GNAL: variants seen among roughly 807,000 people sequenced by gnomAD.
GNAL encodes the protein guanine nucleotide-binding protein G(olf) subunit alpha.
GNAL carries 18 observed loss-of-function variants against 55.1 expected under a neutral mutation model. The ratio of observed to expected loss-of-function variants is 0.33; its 90% CI spans 0.23 to 0.48. The LOEUF is 0.48. Ranked by LOEUF, GNAL falls within the 20% of genes least tolerant of loss-of-function variation. GNAL has a pLI of 0.99. For missense variants in GNAL, 412 were observed against 614.1 expected (o/e 0.67, Z 3.48); for synonymous variants, 253 against 237.0 (o/e 1.07, Z -0.62).
intron 5 of GNAL, among the ~76,000 whole-genome samples, chr18:11,860,688 G>T (rs1036393622): frequency 2.0e-5 from 3 of 152,184 alleles, no homozygotes; most frequent in Non-Finnish European, 4.4e-5. Flanking sequence ...GTTTCTAGGG[G>T]CAGTCATTGT....
In GNAL at chr18:11,823,542, A is replaced by G. The variant is rs369405602; in HGVS notation, c.625-1376A>G. Among the ~76,000 whole-genome samples the G allele has an allele frequency of 1.3e-4, 20 of 152,300 alleles. 1 individual carries two copies. The East Asian group carries it at 3.3e-3, about 25-fold the overall frequency. On this transcript the variant is annotated intron_variant, in intron 4 of 11. Coordinates refer to ENST00000334049, the MANE Select transcript of GNAL (RefSeq NM_182978.4). ...ATTTATACCTAATTTTGTATTCATC[A>G]TTTAGCCTCTGTTTTTTCAAAGAGA...
At chr18:11,822,820 C>CTTTTTTTTTT (rs56128456) in intron 4 of GNAL, among the ~76,000 whole-genome samples, 3 of 139,770 alleles carry the variant, frequency 2.1e-5, no homozygotes, top group East Asian at 2.2e-4. Flanking sequence ...TTTTTTTTTT[C>CTTTTTTTTTT]TTTTTTTTTT....
intron 1 of GNAL, among the ~76,000 whole-genome samples, chr18:11,740,313 A>G (rs530870651): frequency 1.3e-5 from 2 of 152,162 alleles, no homozygotes; most frequent in Admixed American, 6.5e-5. Context: ...GGTTTAGCTC[A>G]TAGCTACCCT....
rs188070828 is a variant in GNAL, at chr18:11,882,634, C to T, written c.*1499C>T. The T allele has an allele frequency of 3.5e-4, 48 of 135,392 alleles. No homozygotes were observed. Among genetic ancestry groups the T allele is most frequent in the Admixed American group, 3.4e-3 (39 of 11,306 alleles). The allele number at this position is 135,392 out of a possible 1,614,324, so 8.4% of individuals were successfully genotyped here. On this transcript the variant is annotated 3_prime_UTR_variant, in exon 12 of 12. Transcript: ENST00000334049. ...CTGGGAGGTGGAGATTGCAGTGAGC[C>T]GAGGTCGTGCCATCGCACTCCAGCC...
intron 5 of GNAL, chr18:11,851,583 A>G: frequency 6.2e-7 from 1 of 1,613,126 alleles, no homozygotes; most frequent in Non-Finnish European, 8.5e-7. Context: ...GTGCCAAAAA[A>G]TGCGATAAGG....
intron 5 of GNAL, chr18:11,851,284 T>G (rs1256341319): frequency 7.9e-6 from 4 of 504,334 alleles, no homozygotes; most frequent in East Asian, 6.4e-5. Flanking sequence ...TCCCCCTGCA[T>G]GCGCAGCCCC....
intron 4 of GNAL, among the ~76,000 whole-genome samples, chr18:11,802,511 C>G (rs1347476300): frequency 6.6e-6 from 1 of 152,204 alleles, no homozygotes. Flanking sequence ...GGCTCACCCT[C>G]TAGTCCACAT....
At chr18:11,768,893 CAAAAAAAA>C (rs201256718) in intron 4 of GNAL, among the ~76,000 whole-genome samples, 2 of 79,648 alleles carry the variant, frequency 2.5e-5, no homozygotes, top group African/African-American at 1.1e-4. Context: ...GACTCTGTCT[CAAAAAAAA>C]AAAAAAATAT....
At chr18:11,747,084 G>C in intron 1 of GNAL, 1 of 434,146 alleles carries the variant, frequency 2.3e-6, no homozygotes, top group South Asian at 1.8e-5. Context: ...GCCTCTGAAG[G>C]AGCTCTATTT....
chr18:11,753,576 G>T, intron 2 of GNAL, 52 bp from the exon 3 acceptor site: 10 of 1,116,080 alleles, frequency 9.0e-6, no homozygotes, highest in Non-Finnish European at 1.2e-5. Flanking sequence ...TCAATTGATT[G>T]GAATCAGTGC....
chr18:11,855,197 C>T (rs61477026), intron 5 of GNAL, among the ~76,000 whole-genome samples: 1,979 of 152,298 alleles, frequency 0.013, 38 homozygotes, highest in African/African-American at 0.043. Context: ...GCCTCGGCCT[C>T]CCAAAGTGCT....
chr18:11,718,789 C>T (rs927510562), intron 1 of GNAL, among the ~76,000 whole-genome samples: 1 of 152,112 alleles, frequency 6.6e-6, no homozygotes, highest in East Asian at 1.9e-4. Context: ...TGATCTGTGA[C>T]TTGTTTTATT....
rs369484872 is a variant in GNAL at position 11,884,536 on chromosome 18, A to G, written c.*3401A>G. On this transcript the variant is annotated 3_prime_UTR_variant, in exon 12 of 12. Transcript: ENST00000334049. ...GTGAGTGAGTGTGAGGACCACAAGGAAGCCCACCACTCCACAGTAGATGAT... is the reference window on the plus strand; with the variant it reads ...GTGAGTGAGTGTGAGGACCACAAGGGAGCCCACCACTCCACAGTAGATGAT... 1.2e-6 allele frequency: 2 copies of G among 1,614,108 alleles called. No individual in the cohort carries two copies. Among genetic ancestry groups the G allele is most frequent in the African/African-American group, 2.7e-5 (2 of 75,064 alleles).
intron 1 of GNAL, among the ~76,000 whole-genome samples, chr18:11,694,567 A>G (rs1349695878): frequency 6.6e-6 from 1 of 152,210 alleles, no homozygotes; most frequent in Non-Finnish European, 1.5e-5. Context: ...GGCAGTGGTC[A>G]AGACAAGGAA....
At chr18:11,842,888 A>G (rs113537762) in intron 5 of GNAL, among the ~76,000 whole-genome samples, 33 of 152,318 alleles carry the variant, frequency 2.2e-4, no homozygotes, top group African/African-American at 5.5e-4. Context: ...GCCTTCTTTC[A>G]ACTGTTGACT....
Position 11,876,741 on chromosome 18 carries a change from T to C in GNAL, c.1230+53T>C, listed in dbSNP as rs2036541111. On this transcript the variant is annotated intron_variant, in intron 11 of 11. Transcript: ENST00000334049. ...TCTACCTCCCTTCTTAATCTTTTGT[T>C]TCTTACAATATGCAAATTACTCCTT... 14 of 971,384 alleles carry C rather than the reference T, an allele frequency of 1.4e-5. No individual in the cohort carries two copies. In the East Asian group the frequency reaches 3.1e-4, roughly 21 times the overall value. The allele number at this position is 971,384 out of a possible 1,614,324, so 60.2% of individuals were successfully genotyped here. A position where few individuals can be genotyped will look rare whatever the true frequency, so the allele number is the denominator to read the frequency against.
intron 5 of GNAL, 148 bp downstream of exon 5, chr18:11,825,163 A>G (rs2035207910): frequency 3.4e-6 from 2 of 595,258 alleles, no homozygotes; most frequent in Non-Finnish European, 5.9e-6. Flanking sequence ...AAAATGAGAC[A>G]TGTTTAGTAG....
chr18:11,690,017 C>CGGG, intron 1 of GNAL, 78 bp downstream of exon 1: 2 of 852,746 alleles, frequency 2.3e-6, no homozygotes, highest in Admixed American at 4.6e-5. Context: ...CACCGGGGAG[C>CGGG]GGTGGCGGGC....
intron 1 of GNAL, among the ~76,000 whole-genome samples, chr18:11,723,070 G>T (rs1478598835): frequency 1.3e-5 from 2 of 149,460 alleles, no homozygotes; most frequent in African/African-American, 4.9e-5. Flanking sequence ...TGTAATCCCA[G>T]CTACTCCAGA....
Sources: gnomAD v4.1 joint callset for allele counts (sites outside exome capture counted in the v4.1 genomes callset) on GRCh38, gnomAD v4.1.1 for gene constraint, MANE v1.5 for transcripts, NCBI Gene and HGNC (gene_info 2026-07-23, HGNC 2026-07-21) for gene names.